HMG20B: variants seen among roughly 807,000 people sequenced by gnomAD.
The protein encoded by HMG20B is high mobility group 20B.
In HMG20B, 24 loss-of-function variants were observed where a neutral mutation model predicts 41.6. The ratio of observed to expected loss-of-function variants is 0.58; its 90% CI spans 0.42 to 0.81. HMG20B has a LOEUF of 0.81. Ranked by LOEUF, HMG20B falls within the 30% of genes least tolerant of loss-of-function variation. HMG20B has a pLI of 0.00. For missense variants in HMG20B, 461 were observed against 444.0 expected (o/e 1.04, Z -0.34); for synonymous variants, 251 against 186.6 (o/e 1.34, Z -2.81).
chr19:3,576,650 G>A, intron 7 of HMG20B, 25 bp downstream of exon 7: 1 of 1,596,788 alleles, frequency 6.3e-7, no homozygotes, highest in Non-Finnish European at 8.6e-7. Context: ...CGCTCCTGAT[G>A]CGAACTCCGT....
chr19:3,578,096 C>G lies in HMG20B; in HGVS notation c.924C>G (p.Ile308Met). The change falls in exon 9 of 10, where the codon ATC becomes ATG. Residue 308 changes from isoleucine (I) to methionine (M), a missense_variant. By Grantham distance (10) the Ile-to-Met change is conservative. Around this residue, in one of 3 missense-constraint regions of HMG20B, gnomAD observed 308 missense variants for 283.4 expected, o/e 1.09. Transcript: ENST00000333651. The part of the protein sequence containing the change: ...HEKLIVRIKE[I>M]LAQVASEHL Reference sequence around the variant, plus strand: ...AGCTCATCGTCCGCATCAAGGAAATCCTGGCCCAGGTCGCCAGGTGTGTGC... The same window carrying G: ...AGCTCATCGTCCGCATCAAGGAAATGCTGGCCCAGGTCGCCAGGTGTGTGC... The G allele has an allele frequency of 6.2e-7, 1 of 1,611,324 alleles. No homozygotes were observed. The highest frequency in any genetic ancestry group is 8.5e-7 in the Non-Finnish European group (1 of 1,179,396).
At chr19:3,578,297 G>T in intron 9 of HMG20B, 184 bp downstream of exon 9, 2 of 1,125,364 alleles carry the variant, frequency 1.8e-6, no homozygotes, top group Non-Finnish European at 2.5e-6. Context: ...GGAGAACCCC[G>T]GGCCGGCGGG....
At chr19:3,575,795 T>C (rs2032145587) in intron 5 of HMG20B, 135 bp downstream of exon 5, 4 of 705,346 alleles carry the variant, frequency 5.7e-6, no homozygotes, top group South Asian at 5.6e-5. Context: ...AATACAAAAA[T>C]TACCTGGGCG....
intron 3 of HMG20B, 62 bp downstream of exon 3, chr19:3,573,862 GC>G: frequency 7.1e-7 from 1 of 1,418,252 alleles, no homozygotes; most frequent in Non-Finnish European, 9.7e-7. Flanking sequence ...TCGAAGCCCC[GC>G]CCCAGGCTGG....
intron 3 of HMG20B, 164 bp downstream of exon 3, chr19:3,573,964 C>G: frequency 1.4e-6 from 1 of 730,852 alleles, no homozygotes; most frequent in Non-Finnish European, 2.4e-6. Context: ...CTGACAGGTC[C>G]TCTGCCACTC....
chr19:3,573,404 C>G (rs1422785902), intron 2 of HMG20B, 57 bp downstream of exon 2: 2 of 1,459,378 alleles, frequency 1.4e-6, no homozygotes, highest in Non-Finnish European at 1.8e-6. Context: ...GCAGCCCTAG[C>G]TCCTGAACCC....
Position 3,578,629 on chromosome 19 carries a change from C to A in HMG20B, c.*108C>A. On this transcript the variant is annotated 3_prime_UTR_variant, in exon 10 of 10. Transcript: ENST00000333651. Reference sequence around the variant, plus strand: ...TCCACCCTTTGGGGCCTGGTCCCATCCTGCACCTTGGGGGCTCCAGCCCCC... The same window carrying A: ...TCCACCCTTTGGGGCCTGGTCCCATACTGCACCTTGGGGGCTCCAGCCCCC... 7.2e-7 allele frequency: 1 copy of A among 1,391,692 alleles called. No individual in the cohort carries two copies. Among genetic ancestry groups the A allele is most frequent in the Non-Finnish European group, 1.0e-6 (1 of 1,002,372 alleles). The allele number at this position is 1,391,692 out of a possible 1,614,324, so 86.2% of individuals were successfully genotyped here. A position where few individuals can be genotyped will look rare whatever the true frequency, so the allele number is the denominator to read the frequency against.
intron 9 of HMG20B, 46 bp from the exon 10 acceptor site, chr19:3,578,463 C>A: frequency 6.7e-7 from 1 of 1,489,170 alleles, no homozygotes; most frequent in Non-Finnish European, 8.9e-7. Context: ...GGGTGGGGGC[C>A]AGAGATGATG....
In HMG20B at chr19:3,576,300, G is replaced by T; in HGVS notation, c.512G>T (p.Gly171Val). The change falls in exon 6 of 10, where the codon GGA (glycine) becomes GTA (valine). Residue 171 changes from glycine (G) to valine (V), a missense_variant. Physicochemically the swap from Gly to Val is moderately radical, Grantham distance 109. This residue lies in a region of HMG20B where 308 missense variants were observed against 283.4 expected (regional missense o/e 1.09). Transcript: ENST00000333651. ...SSGLMNTLLN[G>V]HKGGDCDGFS... ...GGGCTCATGAACACTCTCCTGAATG[G>T]ACACAAGGTAAGCGACCTTCTTCCT... 1 of 1,609,670 alleles carries T rather than the reference G, an allele frequency of 6.2e-7. No individual in the cohort carries two copies. The highest frequency in any genetic ancestry group is 1.1e-5 in the South Asian group (1 of 90,978).
At chr19:3,577,246 C>T in intron 8 of HMG20B, 139 bp downstream of exon 8, 1 of 636,852 alleles carries the variant, frequency 1.6e-6, no homozygotes, top group African/African-American at 2.0e-5. Context: ...CACCCGGCCC[C>T]GCCTATCGCC....
chr19:3,578,181 C>G (rs2032214690), intron 9 of HMG20B, 68 bp downstream of exon 9: 1 of 1,572,798 alleles, frequency 6.4e-7, no homozygotes, highest in Non-Finnish European at 8.6e-7. Context: ...TGGGGTTCCC[C>G]AGGTCCGCGA....
intron 8 of HMG20B, among the ~76,000 whole-genome samples, chr19:3,577,622 C>T (rs2032199836): frequency 7.6e-6 from 1 of 131,298 alleles, no homozygotes; most frequent in Middle Eastern, 4.1e-3. Flanking sequence ...CCCCGTCACC[C>T]ATCCCTCCCC....
At chr19:3,574,120 G>A (rs1288045215) in intron 3 of HMG20B, 4 of 624,560 alleles carry the variant, frequency 6.4e-6, no homozygotes, top group Admixed American at 5.8e-5. Context: ...CAGAGGCCAC[G>A]CCCACAACCG....
rs1490033510 is a variant in HMG20B, at chr19:3,577,114, G to A, written c.808+7G>A. On this transcript the variant is annotated splice_region_variant and intron_variant, in intron 8 of 9. Coordinates refer to ENST00000333651, the MANE Select transcript of HMG20B (RefSeq NM_006339.3). ...GCCTCACTGCCGGTGCCGGGTGCGG[G>A]CCACGCCCATCTCCCAGTCCCGCCC... 3.3e-6 allele frequency: 5 copies of A among 1,519,738 alleles called. No homozygotes were observed. The highest frequency in any genetic ancestry group is 2.5e-5 in the South Asian group (2 of 81,490). 94.1% of individuals were successfully genotyped at this position (1,519,738 alleles called of 1,614,324 possible). A position where few individuals can be genotyped will look rare whatever the true frequency, so the allele number is the denominator to read the frequency against.
intron 3 of HMG20B, 87 bp from the exon 4 acceptor site, chr19:3,574,296 C>CCAA: frequency 2.8e-6 from 3 of 1,057,538 alleles, no homozygotes; most frequent in Non-Finnish European, 4.2e-6. Context: ...CATCCCCGCC[C>CCAA]ATACGCGTTA....
intron 3 of HMG20B, chr19:3,574,174 T>G (rs895914360): frequency 1.6e-6 from 1 of 611,238 alleles, no homozygotes; most frequent in African/African-American, 1.9e-5. Flanking sequence ...CCATAGTTCC[T>G]CAGATCCCCT....
intron 4 of HMG20B, among the ~76,000 whole-genome samples, chr19:3,575,190 G>T (rs1392357787): frequency 6.6e-6 from 1 of 152,170 alleles, no homozygotes; most frequent in African/African-American, 2.4e-5. Context: ...TGTAACAAAA[G>T]CCATCACTGC....
In HMG20B at chr19:3,577,009, AGCTGGCGCTGGAGGAGCGGAGGAC is replaced by A; in HGVS notation, c.721_744del (p.Glu241_Leu248del). ...AGCGCGCGCGAGCGTCTGGAGCAGG[AGCTGGCGCTGGAGGAGCGGAGGAC>A]GCTGGCGCTGCAGCAGCAGCTCCAG... On this transcript the variant is annotated inframe_deletion, in exon 8 of 10. Coordinates refer to ENST00000333651, the MANE Select transcript of HMG20B (RefSeq NM_006339.3). 2 of 1,557,984 alleles carry A rather than the reference AGCTGGCGCTGGAGGAGCGGAGGAC, an allele frequency of 1.3e-6. No homozygotes were observed. The highest frequency in any genetic ancestry group is 1.7e-6 in the Non-Finnish European group (2 of 1,152,200).
chr19:3,573,302 G>GAGCGGCCATGTCCCACGGCCCCA lies in HMG20B; in HGVS notation c.-4_19dup, dbSNP rs2145251933. On this transcript the variant is annotated 5_prime_UTR_variant, in exon 2 of 10. In the 5' UTR this introduces an upstream ATG that the reference lacks. Transcript: ENST00000333651. ...GCGTCCGTGTTCCAGGTCCGGCCCG[G>GAGCGGCCATGTCCCACGGCCCCA]AGCGGCCATGTCCCACGGCCCCAAG... The GAGCGGCCATGTCCCACGGCCCCA allele has an allele frequency of 6.6e-7, 1 of 1,524,544 alleles. No homozygotes were observed. The highest frequency in any genetic ancestry group is 2.6e-5 in the East Asian group (1 of 38,308). 94.4% of individuals were successfully genotyped at this position (1,524,544 alleles called of 1,614,324 possible).
Sources: allele counts gnomAD v4.1 joint callset (sites outside exome capture counted in the v4.1 genomes callset), GRCh38; gene constraint gnomAD v4.1.1; regional missense constraint gnomAD v4.1.1; transcripts MANE v1.5; gene names NCBI Gene and HGNC (gene_info 2026-07-23, HGNC 2026-07-21).